PCDHA11: variants seen among roughly 807,000 people sequenced by gnomAD.
The protein encoded by PCDHA11 is protocadherin alpha-11.
Under a neutral mutation model 70.3 loss-of-function variants are expected in PCDHA11, and 61 were observed. The observed-to-expected ratio is 0.87, with a 90% confidence interval of 0.71 to 1.07. The LOEUF (loss-of-function observed/expected upper bound fraction) is 1.07, where lower values mean the gene tolerates loss of function less well. PCDHA11 is among the 50% of genes least tolerant of loss of function. PCDHA11 has a pLI of 0.00. For missense variants in PCDHA11, 1,324 were observed against 1,237.5 expected (o/e 1.07, Z -1.05); for synonymous variants, 633 against 555.1 (o/e 1.14, Z -1.97).
At chr5:140,942,351 G>A (rs893015832) in intron 1 of PCDHA11, among the ~76,000 whole-genome samples, 1 of 152,024 alleles carries the variant, frequency 6.6e-6, no homozygotes, top group Admixed American at 6.6e-5. Flanking sequence ...GGCGGAGGTT[G>A]CAGTTAACGG....
chr5:140,925,397 C>T (rs2082477792), intron 1 of PCDHA11, among the ~76,000 whole-genome samples: 1 of 152,048 alleles, frequency 6.6e-6, no homozygotes, highest in African/African-American at 2.4e-5. Flanking sequence ...TTTGGCTCGC[C>T]TCCTTCTTAG....
At chr5:140,967,473 C>G in intron 1 of PCDHA11, 1 of 1,613,362 alleles carries the variant, frequency 6.2e-7, no homozygotes, top group Admixed American at 1.7e-5. Context: ...GGCATCCCAG[C>G]CCGCTCGGGT....
intron 1 of PCDHA11, among the ~76,000 whole-genome samples, chr5:140,921,330 C>T (rs1285696901): frequency 6.6e-6 from 1 of 152,026 alleles, no homozygotes; most frequent in Non-Finnish European, 1.5e-5. Flanking sequence ...TCTGTCTGGT[C>T]CAATCACATA....
chr5:140,971,236 G>A (rs1384010579), intron 1 of PCDHA11, among the ~76,000 whole-genome samples: 2 of 152,088 alleles, frequency 1.3e-5, no homozygotes, highest in East Asian at 3.9e-4. Flanking sequence ...AAAGCTTGGG[G>A]CAATTTGATA....
intron 1 of PCDHA11, among the ~76,000 whole-genome samples, chr5:140,973,136 C>G (rs2096573800): frequency 6.6e-6 from 1 of 152,168 alleles, no homozygotes; most frequent in Admixed American, 6.5e-5. Context: ...TTTGCATTCA[C>G]TTTCACTTAT....
intron 3 of PCDHA11, among the ~76,000 whole-genome samples, chr5:140,985,173 G>A (rs939430246): frequency 1.3e-5 from 2 of 152,154 alleles, no homozygotes; most frequent in Admixed American, 6.5e-5. Flanking sequence ...TCCTGACCTC[G>A]TAATCCGCCT....
At chr5:140,933,043 TTACAG>T (rs2088815102) in intron 1 of PCDHA11, among the ~76,000 whole-genome samples, 1 of 151,992 alleles carries the variant, frequency 6.6e-6, no homozygotes, top group Admixed American at 6.5e-5. Flanking sequence ...TGAATATGGA[TTACAG>T]TCCAGGATCC....
intron 2 of PCDHA11, 158 bp downstream of exon 2, chr5:140,979,165 A>G (rs1586797430): frequency 1.0e-6 from 1 of 970,900 alleles, no homozygotes; most frequent in South Asian, 4.8e-5. Flanking sequence ...TTATTCCTTG[A>G]AAGATCGCAA....
At chr5:140,929,191 A>G in intron 1 of PCDHA11, 1 of 1,614,118 alleles carries the variant, frequency 6.2e-7, no homozygotes, top group Non-Finnish European at 8.5e-7. Flanking sequence ...TTCTGATAAT[A>G]ACAGTTTGCT....
At chr5:140,985,712 A>G (rs1319708410) in intron 3 of PCDHA11, among the ~76,000 whole-genome samples, 2 of 148,826 alleles carry the variant, frequency 1.3e-5, no homozygotes, top group Non-Finnish European at 3.0e-5. Context: ...TGTTTCTTAA[A>G]GTTATTTTTC....
chr5:140,875,410 A>G (rs1459624657), intron 1 of PCDHA11: 3 of 1,502,000 alleles, frequency 2.0e-6, no homozygotes, highest in African/African-American at 1.4e-5. Flanking sequence ...TGCTCATAAA[A>G]TACCTCAGGC....
intron 3 of PCDHA11, among the ~76,000 whole-genome samples, chr5:140,993,154 A>T (rs2097543247): frequency 6.6e-6 from 1 of 152,220 alleles, no homozygotes; most frequent in Admixed American, 6.5e-5. Flanking sequence ...AATGGATTCT[A>T]AATATTTGCC....
At chr5:140,875,790 G>A (rs376091049) in intron 1 of PCDHA11, 1 of 1,614,214 alleles carries the variant, frequency 6.2e-7, no homozygotes, top group Non-Finnish European at 8.5e-7. Flanking sequence ...GTATCCACCT[G>A]GAGGTGATCG....
chr5:140,966,546 C>T, intron 1 of PCDHA11: 1 of 466,228 alleles, frequency 2.1e-6, no homozygotes, highest in Non-Finnish European at 3.7e-6. Context: ...GACTCGGAGG[C>T]GAGCGGAGGA....
intron 2 of PCDHA11, among the ~76,000 whole-genome samples, chr5:140,981,687 A>ATCATTCAT (rs200213847): frequency 0.01 from 1,586 of 152,088 alleles, 32 homozygotes; most frequent in African/African-American, 0.036. Flanking sequence ...CCTCCCTTCC[A>ATCATTCAT]TCATTCATTC....
intron 1 of PCDHA11, chr5:140,882,620 C>T: frequency 6.2e-7 from 1 of 1,614,220 alleles, no homozygotes; most frequent in Non-Finnish European, 8.5e-7. Flanking sequence ...GCAGGTTTTC[C>T]ATGTGGAGGT....
Position 140,869,374 on chromosome 5 carries a change from G to A in PCDHA11, c.271G>A (p.Asp91Asn). The change falls in exon 1 of 4, where the codon GAC becomes AAC. Residue 91 changes from aspartate (D) to asparagine (N), a missense_variant. By Grantham distance (23) the Asp-to-Asn change is conservative. Coordinates refer to ENST00000398640, the MANE Select transcript of PCDHA11 (RefSeq NM_018902.5). Reference protein sequence around the residue: ...NGILFVNSRIDREELCGQSAE... With the variant: ...NGILFVNSRINREELCGQSAE... ...CATTTTGTTTGTGAATTCTCGGATCGACCGCGAGGAGCTGTGCGGGCAGAG... is the reference window on the plus strand; with the variant it reads ...CATTTTGTTTGTGAATTCTCGGATCAACCGCGAGGAGCTGTGCGGGCAGAG... The A allele has an allele frequency of 6.2e-7, 1 of 1,614,124 alleles. No homozygotes were observed. Among genetic ancestry groups the A allele is most frequent in the Non-Finnish European group, 8.5e-7 (1 of 1,180,030 alleles).
intron 1 of PCDHA11, chr5:140,926,610 C>A (rs2083401767): frequency 8.5e-6 from 3 of 352,484 alleles, no homozygotes; most frequent in African/African-American, 2.1e-5. Context: ...CTCGTCTCTG[C>A]ACCCCTAGGC....
Position 140,894,936 on chromosome 5 carries a change from A to G in PCDHA11, c.2391+23442A>G, listed in dbSNP as rs560165058. Among the ~76,000 whole-genome samples the G allele has an allele frequency of 3.5e-4, 53 of 152,142 alleles. 1 individual carries two copies. The highest frequency in any genetic ancestry group is 5.6e-4 in the Non-Finnish European group (38 of 68,020). On this transcript the variant is annotated intron_variant, in intron 1 of 3. Transcript: ENST00000398640. ...TTGCTCTATAGATTTCTATTCAGCTATTGTCATGAAATGATAAAAATATAA... is the reference window on the plus strand; with the variant it reads ...TTGCTCTATAGATTTCTATTCAGCTGTTGTCATGAAATGATAAAAATATAA...
Sources: allele counts gnomAD v4.1 joint callset (sites outside exome capture counted in the v4.1 genomes callset), GRCh38; gene constraint gnomAD v4.1.1; transcripts MANE v1.5; gene names NCBI Gene and HGNC (gene_info 2026-07-23, HGNC 2026-07-21).